MAGI2: variants seen among roughly 807,000 people sequenced by gnomAD.
The protein encoded by MAGI2 is membrane associated guanylate kinase, WW and PDZ domain containing 2, also known as membrane-associated guanylate kinase, WW and PDZ domain-containing protein 2.
A neutral mutation model predicts 133.3 loss-of-function variants in MAGI2; 35 were observed. The observed-to-expected ratio is 0.26, with a 90% CI of 0.20 to 0.35. The LOEUF is 0.35. Among genes scored for constraint, MAGI2 ranks in the 10% least tolerant of loss-of-function variants. The pLI is 1.00. For synonymous variants in MAGI2, 729 were observed against 710.6 expected, an observed-to-expected ratio of 1.03 and a Z score of -0.41; for missense variants, 1,636 against 1,863.4, an observed-to-expected ratio of 0.88 and a Z score of 2.25.
At chr7:78,272,848 T>C (rs867395695) in intron 9 of MAGI2, among the ~76,000 whole-genome samples, 1 of 152,196 alleles carries the variant, frequency 6.6e-6, no homozygotes, top group South Asian at 2.1e-4. Flanking sequence ...GCACGTGAGA[T>C]GGGTCTACTG....
At chr7:79,448,688 G>A (rs1849027808) in intron 1 of MAGI2, among the ~76,000 whole-genome samples, 1 of 152,102 alleles carries the variant, frequency 6.6e-6, no homozygotes, top group South Asian at 2.1e-4. Context: ...GGGTCTGTAT[G>A]TATTTGAAAG....
At chr7:79,376,134 G>A (rs1843362984) in intron 1 of MAGI2, among the ~76,000 whole-genome samples, 1 of 151,720 alleles carries the variant, frequency 6.6e-6, no homozygotes, top group African/African-American at 2.4e-5. Flanking sequence ...TTATATAGTA[G>A]TTCCCCTTAT....
intron 1 of MAGI2, among the ~76,000 whole-genome samples, chr7:79,365,078 A>G (rs1842614668): frequency 6.6e-6 from 1 of 152,206 alleles, no homozygotes; most frequent in South Asian, 2.1e-4. Context: ...TGTGCAAAAG[A>G]CATGAACATT....
At chr7:78,650,949 CA>C (rs1811498062) in intron 2 of MAGI2, among the ~76,000 whole-genome samples, 1 of 152,132 alleles carries the variant, frequency 6.6e-6, no homozygotes, top group Non-Finnish European at 1.5e-5. Flanking sequence ...CAAAAACTAT[CA>C]AGAAACAGAT....
At chr7:78,041,689 A>C (rs1431486987) in intron 21 of MAGI2, among the ~76,000 whole-genome samples, 1 of 152,170 alleles carries the variant, frequency 6.6e-6, no homozygotes, top group Non-Finnish European at 1.5e-5. Flanking sequence ...ACAAAAAGCA[A>C]AACAAAACAA....
intron 3 of MAGI2, among the ~76,000 whole-genome samples, chr7:78,584,421 G>GAAAAAAAA (rs57844382): frequency 1.5e-3 from 129 of 83,960 alleles, no homozygotes; most frequent in Non-Finnish European, 2.3e-3. Flanking sequence ...CTCCGTCTCA[G>GAAAAAAAA]AAAAAAAAAA....
intron 12 of MAGI2, among the ~76,000 whole-genome samples, chr7:78,187,610 A>G (rs1342748647): frequency 6.6e-6 from 1 of 152,200 alleles, no homozygotes; most frequent in Non-Finnish European, 1.5e-5. Flanking sequence ...TGGAGAGCAT[A>G]ACAATCATTC....
chr7:79,159,915 C>T (rs1355711484), intron 1 of MAGI2, among the ~76,000 whole-genome samples: 2 of 152,052 alleles, frequency 1.3e-5, no homozygotes, highest in Non-Finnish European at 2.9e-5. Flanking sequence ...TTATATGTGT[C>T]ATGTGAAAGT....
intron 2 of MAGI2, among the ~76,000 whole-genome samples, chr7:78,700,555 T>C (rs1237102959): frequency 1.3e-5 from 2 of 152,120 alleles, no homozygotes; most frequent in South Asian, 4.1e-4. Context: ...TGACAGTGTT[T>C]AAACCTGAAA....
intron 1 of MAGI2, among the ~76,000 whole-genome samples, chr7:79,189,346 T>G (rs1182894670): frequency 6.6e-6 from 1 of 151,110 alleles, no homozygotes; most frequent in Non-Finnish European, 1.5e-5. Context: ...GCACCCTTCT[T>G]TAACTTGAAT....
At chr7:78,325,485 C>G (rs146107177) in intron 9 of MAGI2, among the ~76,000 whole-genome samples, 50 of 152,326 alleles carry the variant, frequency 3.3e-4, no homozygotes, top group Middle Eastern at 3.4e-3. Flanking sequence ...TCCCTAGTTG[C>G]TCCAGCTTGA....
intron 14 of MAGI2, among the ~76,000 whole-genome samples, chr7:78,168,739 G>A (rs1825848509): frequency 2.0e-5 from 3 of 152,270 alleles, no homozygotes; most frequent in Admixed American, 6.5e-5. Flanking sequence ...GGCACTTAAC[G>A]AGGGATCAAA....
intron 1 of MAGI2, among the ~76,000 whole-genome samples, chr7:79,213,343 C>T (rs1829679568): frequency 1.3e-5 from 2 of 150,486 alleles, no homozygotes; most frequent in South Asian, 4.2e-4. Flanking sequence ...CACACACACA[C>T]ACACACATAT....
At chr7:79,093,148 A>G (rs933093108) in intron 1 of MAGI2, among the ~76,000 whole-genome samples, 1 of 152,034 alleles carries the variant, frequency 6.6e-6, no homozygotes, top group African/African-American at 2.4e-5. Flanking sequence ...TTGACATAAA[A>G]TATACAGAGC....
chr7:78,165,669 T>C (rs1825552529), intron 15 of MAGI2, among the ~76,000 whole-genome samples: 1 of 152,142 alleles, frequency 6.6e-6, no homozygotes, highest in Admixed American at 6.5e-5. Context: ...CCTTAGCTAA[T>C]TGCTCACTTC....
At chr7:78,713,709 T>A (rs1340917417) in intron 2 of MAGI2, among the ~76,000 whole-genome samples, 4 of 152,152 alleles carry the variant, frequency 2.6e-5, no homozygotes, top group Non-Finnish European at 5.9e-5. Context: ...CTACTCTTAC[T>A]TGCTTTCCTT....
chr7:78,872,732 G>A (rs889361623), intron 2 of MAGI2, among the ~76,000 whole-genome samples: 15 of 151,712 alleles, frequency 9.9e-5, no homozygotes, highest in Non-Finnish European at 1.5e-4. Flanking sequence ...CTACCTCTGA[G>A]GGAAATATTT....
At chr7:78,223,380 T>C (rs1027664919) in intron 10 of MAGI2, among the ~76,000 whole-genome samples, 6 of 152,172 alleles carry the variant, frequency 3.9e-5, no homozygotes, top group Non-Finnish European at 7.3e-5. Context: ...CACCCAGAGA[T>C]ATATTTAAGA....
intron 2 of MAGI2, among the ~76,000 whole-genome samples, chr7:78,886,593 T>G (rs1796289691): frequency 6.6e-6 from 1 of 152,184 alleles, no homozygotes; most frequent in African/African-American, 2.4e-5. Flanking sequence ...AGAAAGAAAC[T>G]GTCTGGAGGC....
Sources: allele counts gnomAD v4.1 joint callset (sites outside exome capture counted in the v4.1 genomes callset), GRCh38; gene constraint gnomAD v4.1.1; transcripts MANE v1.5; gene names NCBI Gene and HGNC (gene_info 2026-07-23, HGNC 2026-07-21).